Variants in PTPRO observed in about 807,000 individuals in gnomAD.
PTPRO encodes the protein receptor-type tyrosine-protein phosphatase O.
PTPRO carries 62 observed loss-of-function variants against 145.2 expected under a neutral mutation model. That is an observed-to-expected ratio of 0.43 (90% CI 0.35 to 0.53). The LOEUF is 0.53. Ranked by LOEUF, PTPRO falls within the 20% of genes least tolerant of loss-of-function variation. PTPRO has a pLI of 0.01. For missense variants in PTPRO, 1,345 were observed against 1,482.7 expected, an observed-to-expected ratio of 0.91 and a Z score of 1.53; for synonymous variants, 565 against 514.7, an observed-to-expected ratio of 1.10 and a Z score of -1.32.
chr12:15,411,098 C>T (rs940037606), intron 1 of PTPRO, among the ~76,000 whole-genome samples: 2 of 152,046 alleles, frequency 1.3e-5, no homozygotes, highest in East Asian at 1.9e-4. Context: ...AATGAATGCT[C>T]CTTAGGTCAG....
Position 15,586,884 on chromosome 12 carries a change from T to C in PTPRO, c.3256-13T>C. The C allele has an allele frequency of 1.2e-6, 2 of 1,613,978 alleles. No individual in the cohort carries two copies. Among genetic ancestry groups the C allele is most frequent in the Non-Finnish European group, 1.7e-6 (2 of 1,179,936 alleles). On this transcript the variant is annotated splice_polypyrimidine_tract_variant and intron_variant, in intron 23 of 26. Coordinates refer to ENST00000281171, the MANE Select transcript of PTPRO (RefSeq NM_030667.3). The stretch of plus-strand genomic sequence containing the variant: ...GAAAAATTAATGCTTGTTTTTGGCT[T>C]TTTTCTCTAAAGGCTGACGAGATGC...
chr12:15,524,082 T>C (rs1385653432), intron 10 of PTPRO, among the ~76,000 whole-genome samples: 1 of 151,252 alleles, frequency 6.6e-6, no homozygotes, highest in Non-Finnish European at 1.5e-5. Flanking sequence ...AGGCATTCCC[T>C]GCTTAAATTT....
At chr12:15,522,153 A>T (rs1302522104) in intron 10 of PTPRO, among the ~76,000 whole-genome samples, 1 of 152,162 alleles carries the variant, frequency 6.6e-6, no homozygotes, top group Non-Finnish European at 1.5e-5. Flanking sequence ...GAATTAAATC[A>T]TGTAATGTAA....
At chr12:15,523,900 T>C (rs1268623181) in intron 10 of PTPRO, among the ~76,000 whole-genome samples, 3 of 152,022 alleles carry the variant, frequency 2.0e-5, no homozygotes, top group South Asian at 2.1e-4. Flanking sequence ...TGGGCTCAAA[T>C]AGTCCTCCCA....
chr12:15,413,801 C>T (rs1939869375), intron 1 of PTPRO, among the ~76,000 whole-genome samples: 1 of 151,922 alleles, frequency 6.6e-6, no homozygotes, highest in South Asian at 2.1e-4. Context: ...GGCAACAGAC[C>T]AAGACTCTAT....
chr12:15,502,455 A>G (rs952120550), intron 5 of PTPRO, among the ~76,000 whole-genome samples: 2 of 152,222 alleles, frequency 1.3e-5, no homozygotes, highest in Non-Finnish European at 2.9e-5. Flanking sequence ...AAATTTTTAA[A>G]CATGGCAGCA....
chr12:15,410,114 G>GTTTTAT (rs1255386042), intron 1 of PTPRO, among the ~76,000 whole-genome samples: 4 of 151,910 alleles, frequency 2.6e-5, no homozygotes, highest in Non-Finnish European at 4.4e-5. Flanking sequence ...ACAGAAAGCA[G>GTTTTAT]GAATAAAAAG....
chr12:15,357,217 T>C (rs1938023731), intron 1 of PTPRO, among the ~76,000 whole-genome samples: 1 of 152,250 alleles, frequency 6.6e-6, no homozygotes, highest in Non-Finnish European at 1.5e-5. Flanking sequence ...CTCTAATTAC[T>C]GCATGCCAAA....
In PTPRO at chr12:15,532,593, A is replaced by G. The variant is rs549822084; in HGVS notation, c.2164+6331A>G. ...CCCTCAAGGGGGCACTAGTGCCCCAATTGAGGATCAAGGGTTGTCTCTTAC... is the reference window on the plus strand; with the variant it reads ...CCCTCAAGGGGGCACTAGTGCCCCAGTTGAGGATCAAGGGTTGTCTCTTAC... On this transcript the variant is annotated intron_variant, in intron 12 of 26. Coordinates refer to ENST00000281171, the MANE Select transcript of PTPRO (RefSeq NM_030667.3). Among the ~76,000 whole-genome samples, 54 of 152,270 alleles carry G rather than the reference A, an allele frequency of 3.5e-4. 1 individual carries two copies. The highest frequency in any genetic ancestry group is 3.5e-3 in the South Asian group (17 of 4,822).
rs558151449 is a variant in PTPRO, at chr12:15,489,069, A to T, written c.349+4822A>T. 3.9e-4 allele frequency among the ~76,000 whole-genome samples: 60 copies of T among 152,292 alleles called. 1 individual carries two copies. In the South Asian group the frequency reaches 0.011, roughly 28 times the overall value. Reference sequence around the variant, plus strand: ...TATTCTAAATAAAAATAATTCATGAATTTTTATTTTAGTTATCAGGTACAT... The same window carrying T: ...TATTCTAAATAAAAATAATTCATGATTTTTTATTTTAGTTATCAGGTACAT... On this transcript the variant is annotated intron_variant, in intron 2 of 26. Transcript: ENST00000281171.
chr12:15,356,133 T>A (rs1056755612), intron 1 of PTPRO, among the ~76,000 whole-genome samples: 4 of 152,228 alleles, frequency 2.6e-5, no homozygotes, highest in African/African-American at 4.8e-5. Context: ...AAAATAAAAT[T>A]AAATTTCAGA....
chr12:15,516,206 G>T (rs1459387991), intron 8 of PTPRO, among the ~76,000 whole-genome samples: 2 of 150,230 alleles, frequency 1.3e-5, no homozygotes, highest in African/African-American at 4.9e-5. Context: ...TAGCCAGGAT[G>T]GTCTCGATCT....
intron 1 of PTPRO, among the ~76,000 whole-genome samples, chr12:15,483,619 G>C (rs1234855122): frequency 3.3e-5 from 5 of 152,014 alleles, no homozygotes; most frequent in Non-Finnish European, 7.4e-5. Flanking sequence ...TTGAAACCAA[G>C]AACTTCTCTA....
chr12:15,564,967 T>C (rs1943861469), intron 17 of PTPRO, among the ~76,000 whole-genome samples: 1 of 152,202 alleles, frequency 6.6e-6, no homozygotes, highest in African/African-American at 2.4e-5. Flanking sequence ...AAGCATGCAT[T>C]AGCATTTCCT....
At chr12:15,581,252 C>A (rs528316580) in intron 22 of PTPRO, among the ~76,000 whole-genome samples, 5 of 150,432 alleles carry the variant, frequency 3.3e-5, no homozygotes, top group Admixed American at 2.7e-4. Context: ...CCGGGGCTTA[C>A]AGAGAATTAC....
intron 15 of PTPRO, among the ~76,000 whole-genome samples, chr12:15,552,771 A>G (rs1030673762): frequency 6.7e-6 from 1 of 149,670 alleles, no homozygotes; most frequent in Non-Finnish European, 1.5e-5. Flanking sequence ...GAGAGCTCTG[A>G]AATTACACTC....
At chr12:15,467,409 A>AGTGTGTGTGT (rs71042254) in intron 1 of PTPRO, among the ~76,000 whole-genome samples, 4,745 of 150,072 alleles carry the variant, frequency 0.032, 81 homozygotes, top group African/African-American at 0.048. Flanking sequence ...GGTAGGGGTG[A>AGTGTGTGTGT]GTGTGTGTGT....
chr12:15,501,018 G>T (rs769072891), intron 4 of PTPRO, among the ~76,000 whole-genome samples: 4 of 152,180 alleles, frequency 2.6e-5, no homozygotes, highest in African/African-American at 9.7e-5. Flanking sequence ...ACTACGCAGT[G>T]CGTCTTCATA....
At chr12:15,365,600 C>T (rs1016812311) in intron 1 of PTPRO, among the ~76,000 whole-genome samples, 1 of 152,106 alleles carries the variant, frequency 6.6e-6, no homozygotes, top group Non-Finnish European at 1.5e-5. Context: ...GCTATAGAAA[C>T]TTTACTGGAT....
Sources: gnomAD v4.1 joint callset for allele counts (sites outside exome capture counted in the v4.1 genomes callset) on GRCh38, gnomAD v4.1.1 for gene constraint, MANE v1.5 for transcripts, NCBI Gene and HGNC (gene_info 2026-07-23, HGNC 2026-07-21) for gene names.